Variants in FANCD2 observed in about 807,000 individuals in gnomAD.
FANCD2 encodes the protein FA complementation group D2, also known as Fanconi anemia group D2 protein.
Under a neutral mutation model 192.3 loss-of-function variants are expected in FANCD2, and 131 were observed. The ratio of observed to expected loss-of-function variants is 0.68; its 90% confidence interval spans 0.59 to 0.79. The LOEUF (loss-of-function observed/expected upper bound fraction) is 0.79. Among genes scored for constraint, FANCD2 ranks in the 30% least tolerant of loss-of-function variants. FANCD2 has a pLI of 0.00. For missense variants in FANCD2, 1,508 were observed against 1,701.6 expected, an observed-to-expected ratio of 0.89 and a Z score of 2.00; for synonymous variants, 524 against 612.5, an observed-to-expected ratio of 0.86 and a Z score of 2.13.
chr3:10,091,861 G>A (rs1229802409), intron 37 of FANCD2, among the ~76,000 whole-genome samples: 9 of 152,216 alleles, frequency 5.9e-5, no homozygotes, highest in Non-Finnish European at 1.2e-4. Context: ...TTGGGAGGCC[G>A]AGGTGGGTGG....
chr3:10,074,588 T>C lies in FANCD2; in HGVS notation c.2774T>C (p.Phe925Ser). ...SLLLHNSHAF[F>S]RELDIEVFSI... Reference sequence around the variant, plus strand: ...TTACTACATAATTCCCATGCTTTTTTCCGAGAGCTGGACATTGAGGTCTTC... The same window carrying C: ...TTACTACATAATTCCCATGCTTTTTCCCGAGAGCTGGACATTGAGGTCTTC... The change falls in exon 29 of 44, where the codon TTC becomes TCC. Residue 925 changes from phenylalanine to serine, a missense_variant. Physicochemically the swap from Phe to Ser is radical, Grantham distance 155. Coordinates refer to ENST00000675286, the MANE Select transcript of FANCD2 (RefSeq NM_001018115.3). 1 of 1,613,912 alleles carries C rather than the reference T, an allele frequency of 6.2e-7. No homozygotes were observed. The highest frequency in any genetic ancestry group is 1.1e-5 in the South Asian group (1 of 91,076).
intron 41 of FANCD2, chr3:10,095,492 T>C (rs2125093224): frequency 1.7e-6 from 1 of 594,684 alleles, no homozygotes. Flanking sequence ...ACTCCAAAGC[T>C]CTTTTTCCTC....
At chr3:10,065,560 G>T (rs1421442855) in intron 24 of FANCD2, 66 bp downstream of exon 24, 14 of 1,068,066 alleles carry the variant, frequency 1.3e-5, no homozygotes, top group Non-Finnish European at 2.1e-5. Flanking sequence ...TAGGGAAAGG[G>T]CAGATCAATA....
intron 42 of FANCD2, among the ~76,000 whole-genome samples, chr3:10,098,437 G>A (rs892369227): frequency 6.6e-6 from 1 of 151,990 alleles, no homozygotes; most frequent in African/African-American, 2.4e-5. Context: ...CATCGACTTA[G>A]AGTCACCAAT....
chr3:10,066,570 T>G (rs576535857), intron 25 of FANCD2, among the ~76,000 whole-genome samples: 1 of 152,300 alleles, frequency 6.6e-6, no homozygotes, highest in East Asian at 1.9e-4. Context: ...ACTCATTTCT[T>G]TATGAAGAAA....
intron 43 of FANCD2, 107 bp downstream of exon 43, chr3:10,098,922 T>G: frequency 3.7e-6 from 6 of 1,614,232 alleles, no homozygotes; most frequent in Non-Finnish European, 5.1e-6. Context: ...TGTCAAATGC[T>G]TCTATGCCCA....
At chr3:10,038,193 T>C (rs1484267786) in intron 7 of FANCD2, among the ~76,000 whole-genome samples, 4 of 152,338 alleles carry the variant, frequency 2.6e-5, no homozygotes, top group East Asian at 3.9e-4. Context: ...GGTTTCGCCA[T>C]GTTGGCCAGG....
At chr3:10,093,588 A>G (rs1694779014) in intron 39 of FANCD2, among the ~76,000 whole-genome samples, 2 of 152,238 alleles carry the variant, frequency 1.3e-5, no homozygotes, top group South Asian at 4.1e-4. Flanking sequence ...TAGGAGCAGT[A>G]GTTACCTTCC....
At position 10,043,560 on chromosome 3, in the gene FANCD2, T is replaced by C; in HGVS notation, c.1066T>C (p.Tyr356His). 1 of 1,613,746 alleles carries C rather than the reference T, an allele frequency of 6.2e-7. No individual in the cohort carries two copies. ...TGATGTAATAAAGTCAGCTATTAGATATGAGAAAACCATTTCAGAAGCCTG... is the reference window on the plus strand; with the variant it reads ...TGATGTAATAAAGTCAGCTATTAGACATGAGAAAACCATTTCAGAAGCCTG... ...LFDVIKSAIRYEKTISEAWIK... is the reference protein window; with the variant it reads ...LFDVIKSAIRHEKTISEAWIK... The change falls in exon 13 of 44, where the codon TAT (tyrosine) becomes CAT (histidine). Residue 356 changes from tyrosine to histidine, a missense_variant. Transcript: ENST00000675286.
intron 40 of FANCD2, chr3:10,094,889 C>T (rs868428829): frequency 4.8e-6 from 2 of 415,140 alleles, no homozygotes; most frequent in Admixed American, 3.6e-5. Flanking sequence ...TCCCTCACAG[C>T]CCTGAAAGAG....
At position 10,069,459 on chromosome 3, in the gene FANCD2, G is replaced by GGCTC. The variant is rs758011243; in HGVS notation, c.2494+2142_2494+2143insGCTC. 6.9e-4 allele frequency among the ~76,000 whole-genome samples: 89 copies of GGCTC among 129,500 alleles called. 2 individuals carry two copies. The highest frequency in any genetic ancestry group is 2.7e-3 in the African/African-American group (69 of 25,570). 85.0% of individuals were successfully genotyped at this position (129,500 alleles called of 152,430 possible). On this transcript the variant is annotated intron_variant, in intron 26 of 43. Coordinates refer to ENST00000675286, the MANE Select transcript of FANCD2 (RefSeq NM_001018115.3). ...GATGTCATCTCACCCTAGTTAAGAT[G>GGCTC]CCTCTCCCCCTCCCCCTCCCCCTCC...
chr3:10,049,893 A>G (rs1379175770), intron 17 of FANCD2, among the ~76,000 whole-genome samples: 1 of 152,240 alleles, frequency 6.6e-6, no homozygotes, highest in African/African-American at 2.4e-5. Flanking sequence ...GACAAGAGAA[A>G]GTATGGGAAG....
chr3:10,037,515 T>C (rs1295608899), intron 7 of FANCD2: 1 of 152,210 alleles, frequency 6.6e-6, no homozygotes, highest in Non-Finnish European at 1.5e-5. Context: ...TATCCTAAGA[T>C]AATAACTGTG....
At chr3:10,036,502 A>G (rs1012905791) in intron 7 of FANCD2, among the ~76,000 whole-genome samples, 163 bp downstream of exon 7, 3 of 152,060 alleles carry the variant, frequency 2.0e-5, no homozygotes, top group South Asian at 2.1e-4. Context: ...AGTTTCATCT[A>G]TTAATATGAC....
intron 37 of FANCD2, among the ~76,000 whole-genome samples, chr3:10,091,901 T>C (rs567502367): frequency 6.6e-6 from 1 of 152,326 alleles, no homozygotes; most frequent in East Asian, 1.9e-4. Context: ...GAGACTAGCC[T>C]GGCCAACATG....
chr3:10,099,466 A>T, intron 43 of FANCD2: 4 of 413,802 alleles, frequency 9.7e-6, no homozygotes, highest in Non-Finnish European at 1.4e-5. Flanking sequence ...CCACAAAAAA[A>T]ATGAAAAATA....
chr3:10,039,867 A>G (rs1329691226), intron 9 of FANCD2, 22 bp downstream of exon 9: 13 of 1,613,858 alleles, frequency 8.1e-6, no homozygotes, highest in Non-Finnish European at 1.1e-5. Context: ...CTCTGTCATC[A>G]TCTAAGTGAG....
At chr3:10,067,350 TA>T in intron 26 of FANCD2, 33 bp downstream of exon 26, 2 of 1,260,072 alleles carry the variant, frequency 1.6e-6, no homozygotes, top group Non-Finnish European at 2.3e-6. Context: ...GTAGTACTAC[TA>T]GGCCAGTAGT....
chr3:10,093,449 T>C (rs1362772781), intron 39 of FANCD2, 126 bp downstream of exon 39: 1 of 844,512 alleles, frequency 1.2e-6, no homozygotes, highest in African/African-American at 1.7e-5. Flanking sequence ...TCTATGCCAG[T>C]TTAGGGAAGG....
Sources: gnomAD v4.1 joint callset for allele counts (sites outside exome capture counted in the v4.1 genomes callset) on GRCh38, gnomAD v4.1.1 for gene constraint, MANE v1.5 for transcripts, NCBI Gene and HGNC (gene_info 2026-07-23, HGNC 2026-07-21) for gene names.